Variants in VRK2 observed in about 807,000 individuals in gnomAD.
The protein encoded by VRK2 is serine/threonine-protein kinase VRK2.
A neutral mutation model predicts 57.6 loss-of-function variants in VRK2; 60 were observed. The ratio of observed to expected loss-of-function variants is 1.04; its 90% CI spans 0.85 to 1.29. VRK2 has a LOEUF of 1.29. Among genes scored for constraint, VRK2 ranks in the 50% most tolerant of loss-of-function variants. VRK2 has a pLI of 0.00. For missense variants in VRK2, 705 were observed against 588.1 expected (o/e 1.20, Z -2.06); for synonymous variants, 231 against 199.2 (o/e 1.16, Z -1.35).
chr2:58,080,709 A>G (rs762469384), intron 2 of VRK2, among the ~76,000 whole-genome samples: 3 of 151,900 alleles, frequency 2.0e-5, no homozygotes, highest in East Asian at 1.9e-4. Flanking sequence ...TTTATTTTCT[A>G]TATTTTTACT....
At chr2:58,087,329 T>TG (rs1671771010) in intron 5 of VRK2, among the ~76,000 whole-genome samples, 1 of 152,158 alleles carries the variant, frequency 6.6e-6, no homozygotes, top group Non-Finnish European at 1.5e-5. Flanking sequence ...GGACTGCCAC[T>TG]GGGGGACTGA....
chr2:58,051,633 C>T (rs1675762778), intron 2 of VRK2, among the ~76,000 whole-genome samples: 1 of 152,222 alleles, frequency 6.6e-6, no homozygotes, highest in African/African-American at 2.4e-5. Context: ...TCAGCAGACA[C>T]TTGATCAGCG....
intron 3 of VRK2, among the ~76,000 whole-genome samples, chr2:58,039,108 T>C (rs1394467996): frequency 6.6e-6 from 1 of 152,082 alleles, no homozygotes. Context: ...GCAAGTAAGG[T>C]ATTATCTGAT....
intron 1 of VRK2, among the ~76,000 whole-genome samples, chr2:57,983,428 C>CT (rs1341299395): frequency 3.3e-5 from 5 of 152,056 alleles, no homozygotes; most frequent in South Asian, 2.1e-4. Flanking sequence ...TGCAAAGTTC[C>CT]TTTTTTTATG....
intron 1 of VRK2, among the ~76,000 whole-genome samples, chr2:58,007,354 T>C (rs1673280169): frequency 6.6e-6 from 1 of 151,846 alleles, no homozygotes; most frequent in Non-Finnish European, 1.5e-5. Flanking sequence ...AGTTGGCCCT[T>C]GAACAACACA....
intron 7 of VRK2, among the ~76,000 whole-genome samples, chr2:58,101,528 A>G (rs1673960481): frequency 6.6e-6 from 1 of 151,732 alleles, no homozygotes; most frequent in African/African-American, 2.4e-5. Flanking sequence ...CTAAAATATG[A>G]GAATATAGAA....
intron 1 of VRK2, among the ~76,000 whole-genome samples, chr2:57,939,003 C>G (rs1475177632): frequency 1.3e-5 from 2 of 152,018 alleles, no homozygotes; most frequent in African/African-American, 4.8e-5. Flanking sequence ...GCAACACAGG[C>G]AGTTCAAACT....
At chr2:57,979,207 T>C (rs1301901279) in intron 1 of VRK2, among the ~76,000 whole-genome samples, 1 of 151,102 alleles carries the variant, frequency 6.6e-6, no homozygotes, top group Non-Finnish European at 1.5e-5. Context: ...GGTCAAATGG[T>C]ATTTCTGGTT....
intron 1 of VRK2, among the ~76,000 whole-genome samples, chr2:57,983,560 GA>G (rs1308331729): frequency 2.6e-5 from 4 of 152,090 alleles, no homozygotes; most frequent in African/African-American, 9.7e-5. Flanking sequence ...GAAAGGCATA[GA>G]AAAAAACTAA....
intron 3 of VRK2, 96 bp from the exon 4 acceptor site, chr2:58,084,785 A>G (rs1671382290): frequency 1.2e-6 from 1 of 806,778 alleles, no homozygotes; most frequent in African/African-American, 1.8e-5. Context: ...ACTATTATAT[A>G]CTACATATAT....
At chr2:58,117,882 G>A (rs2104454915) in intron 7 of VRK2, among the ~76,000 whole-genome samples, 1 of 152,226 alleles carries the variant, frequency 6.6e-6, no homozygotes, top group African/African-American at 2.4e-5. Flanking sequence ...TAGTGAAGGA[G>A]GCAAGCCCAG....
intron 11 of VRK2, among the ~76,000 whole-genome samples, chr2:58,144,936 G>T (rs897794068): frequency 2.0e-5 from 3 of 151,922 alleles, no homozygotes; most frequent in African/African-American, 7.3e-5. Flanking sequence ...GGCGATAAAA[G>T]CTAAAAATTG....
At chr2:58,055,417 A>C (rs190462546) in intron 2 of VRK2, among the ~76,000 whole-genome samples, 50 of 152,328 alleles carry the variant, frequency 3.3e-4, no homozygotes, top group African/African-American at 1.1e-3. Flanking sequence ...GAAGTTGATT[A>C]ATTTTGAAAG....
rs1677766709 is a variant in VRK2, at chr2:58,123,082, G to A, written c.544-19G>A. The A allele has an allele frequency of 6.3e-7, 1 of 1,590,390 alleles. No homozygotes were observed. Among genetic ancestry groups the A allele is most frequent in the South Asian group, 1.2e-5 (1 of 86,434 alleles). ...CAGAGGACAAAGGCATTATTCATTT[G>A]TCTGTGCTTGTCTTCCAGGTTTATC... is the stretch of plus-strand genomic sequence containing the variant. On this transcript the variant is annotated intron_variant, in intron 7 of 12. Coordinates refer to ENST00000340157, the MANE Select transcript of VRK2 (RefSeq NM_006296.7).
At chr2:57,941,572 T>C (rs188483353) in intron 1 of VRK2, among the ~76,000 whole-genome samples, 5 of 152,316 alleles carry the variant, frequency 3.3e-5, no homozygotes, top group East Asian at 1.9e-4. Flanking sequence ...TAGACTGACA[T>C]TGTCTGACCT....
intron 1 of VRK2, among the ~76,000 whole-genome samples, chr2:57,995,586 C>A (rs1241656878): frequency 6.6e-6 from 1 of 152,168 alleles, no homozygotes; most frequent in Non-Finnish European, 1.5e-5. Context: ...AAAAAGATGT[C>A]TAGTTCAGCT....
intron 1 of VRK2, among the ~76,000 whole-genome samples, chr2:58,013,022 C>A (rs1673459372): frequency 6.6e-6 from 1 of 151,994 alleles, no homozygotes; most frequent in Admixed American, 6.5e-5. Flanking sequence ...AGAAGAATTA[C>A]CTTTCAAAAA....
At chr2:58,063,889 G>A (rs887146845) in intron 2 of VRK2, among the ~76,000 whole-genome samples, 1 of 152,116 alleles carries the variant, frequency 6.6e-6, no homozygotes, top group Non-Finnish European at 1.5e-5. Flanking sequence ...AAAAATAGCA[G>A]TGTTAACAAG....
intron 1 of VRK2, among the ~76,000 whole-genome samples, chr2:57,992,825 C>G (rs1380959803): frequency 1.3e-5 from 2 of 152,148 alleles, no homozygotes; most frequent in African/African-American, 4.8e-5. Context: ...CGTGAGCCAC[C>G]GCGCCCGGCC....
Sources: allele counts gnomAD v4.1 joint callset (sites outside exome capture counted in the v4.1 genomes callset), GRCh38; gene constraint gnomAD v4.1.1; transcripts MANE v1.5; gene names NCBI Gene and HGNC (gene_info 2026-07-23, HGNC 2026-07-21).